Variants in COL13A1 observed in about 807,000 individuals in gnomAD.
The protein encoded by COL13A1 is collagen type XIII alpha 1 chain, also known as collagen alpha-1(XIII) chain.
In COL13A1, 89 loss-of-function variants were observed where a neutral mutation model predicts 130.9. That is an observed-to-expected ratio of 0.68 (90% CI 0.57 to 0.81). The LOEUF (loss-of-function observed/expected upper bound fraction) is 0.81, where lower values mean the gene tolerates loss of function less well. Among genes scored for constraint, COL13A1 ranks in the 30% least tolerant of loss-of-function variants. The pLI, the probability that COL13A1 is intolerant of heterozygous loss-of-function variation, is 0.00. For missense variants in COL13A1, 879 were observed against 934.6 expected (o/e 0.94, Z 0.78); for synonymous variants, 402 against 341.6 (o/e 1.18, Z -1.95).
intron 2 of COL13A1, chr10:69,829,195 G>A: frequency 1.0e-6 from 1 of 983,226 alleles, no homozygotes; most frequent in South Asian, 4.7e-5. Flanking sequence ...ATCCCACTCT[G>A]TCAATTTCCT....
At chr10:69,874,129 C>T (rs751106975) in intron 4 of COL13A1, among the ~76,000 whole-genome samples, 2 of 152,250 alleles carry the variant, frequency 1.3e-5, no homozygotes, top group Non-Finnish European at 2.9e-5. Flanking sequence ...TCAAAGCCAC[C>T]GTTGGTCTTG....
At chr10:69,868,402 C>T (rs570292395) in intron 3 of COL13A1, among the ~76,000 whole-genome samples, 2 of 152,266 alleles carry the variant, frequency 1.3e-5, no homozygotes, top group African/African-American at 4.8e-5. Flanking sequence ...CGCACTCCTT[C>T]CTGGCCTTGC....
intron 36 of COL13A1, among the ~76,000 whole-genome samples, chr10:69,944,734 A>AT (rs747825678): frequency 7.3e-5 from 11 of 151,504 alleles, no homozygotes; most frequent in Non-Finnish European, 8.9e-5. Flanking sequence ...AGAAAAAAAA[A>AT]GGAATTGGAG....
intron 2 of COL13A1, among the ~76,000 whole-genome samples, chr10:69,841,637 G>A (rs1453445094): frequency 6.6e-6 from 1 of 152,072 alleles, no homozygotes; most frequent in Non-Finnish European, 1.5e-5. Context: ...TCCACCAATT[G>A]CCCCAGCAAA....
intron 15 of COL13A1, among the ~76,000 whole-genome samples, chr10:69,904,667 A>G (rs1356383879): frequency 6.6e-6 from 1 of 152,150 alleles, no homozygotes; most frequent in East Asian, 1.9e-4. Flanking sequence ...CTGCTGACCT[A>G]CTTTCCATGG....
intron 10 of COL13A1, 128 bp downstream of exon 10, chr10:69,889,568 C>A: frequency 8.2e-7 from 1 of 1,224,612 alleles, no homozygotes; most frequent in Non-Finnish European, 1.2e-6. Context: ...GGTCACTCCC[C>A]AGCTGTGTAA....
intron 1 of COL13A1, among the ~76,000 whole-genome samples, chr10:69,821,913 C>A (rs1846170116): frequency 6.6e-6 from 1 of 152,234 alleles, no homozygotes; most frequent in Non-Finnish European, 1.5e-5. Context: ...CCTTGCCATC[C>A]CCCTACTGCT....
At chr10:69,869,155 T>C (rs1377589746) in intron 3 of COL13A1, among the ~76,000 whole-genome samples, 3 of 152,192 alleles carry the variant, frequency 2.0e-5, no homozygotes, top group Admixed American at 6.5e-5. Flanking sequence ...TTCTGAGAGC[T>C]TGTGCTGGCC....
At chr10:69,918,160 G>A (rs1589507347) in intron 18 of COL13A1, 125 bp from the exon 19 acceptor site, 1 of 755,942 alleles carries the variant, frequency 1.3e-6, no homozygotes, top group East Asian at 2.9e-5. Context: ...GGTGGTTGCG[G>A]GGTTGGGAGG....
In COL13A1 at chr10:69,908,488, C is replaced by T. The variant is rs575789684; in HGVS notation, c.921+2666C>T. ...AAGCTGTGAAGGAGTTGCAGGGCAG[C>T]AGAGGGTCTCCAGGCATCACGGCGA... On this transcript the variant is annotated intron_variant, in intron 17 of 40. Transcript: ENST00000645393. Among the ~76,000 whole-genome samples, 10 of 152,306 alleles carry T rather than the reference C, an allele frequency of 6.6e-5. No individual in the cohort carries two copies. The South Asian group carries it at 1.9e-3, about 28-fold the overall frequency.
At chr10:69,920,607 CCCTCTCTG>C (rs1428987196) in intron 21 of COL13A1, among the ~76,000 whole-genome samples, 2 of 152,206 alleles carry the variant, frequency 1.3e-5, no homozygotes, top group Non-Finnish European at 2.9e-5. Context: ...AGACCGTTCT[CCCTCTCTG>C]CCTTGTGAGA....
chr10:69,929,127 AG>A, intron 28 of COL13A1, 128 bp downstream of exon 28: 1 of 731,060 alleles, frequency 1.4e-6, no homozygotes, highest in Non-Finnish European at 2.2e-6. Flanking sequence ...CCAAGGCACC[AG>A]GGGACCCGCC....
chr10:69,875,767 A>G (rs753085221), intron 5 of COL13A1, among the ~76,000 whole-genome samples: 31 of 152,264 alleles, frequency 2.0e-4, no homozygotes, highest in Admixed American at 1.1e-3. Flanking sequence ...TGGGAAGGCC[A>G]GCCTCAGCCC....
chr10:69,849,391 T>C (rs1763516607), intron 2 of COL13A1, among the ~76,000 whole-genome samples: 1 of 152,224 alleles, frequency 6.6e-6, no homozygotes, highest in South Asian at 2.1e-4. Context: ...CACTTCCCAC[T>C]GCCCTATCAT....
intron 2 of COL13A1, among the ~76,000 whole-genome samples, chr10:69,835,177 G>T (rs922446708): frequency 3.3e-5 from 5 of 152,180 alleles, no homozygotes; most frequent in Non-Finnish European, 7.3e-5. Context: ...CCCTGCCCTA[G>T]ACCCAGTGGA....
chr10:69,898,211 A>G (rs529745726), intron 13 of COL13A1, among the ~76,000 whole-genome samples: 19 of 152,092 alleles, frequency 1.2e-4, no homozygotes, highest in Non-Finnish European at 2.1e-4. Flanking sequence ...TCAAGTACCA[A>G]TTTCACGGGC....
In COL13A1 at chr10:69,921,976, C is replaced by T. The variant is rs372046237; in HGVS notation, c.1143+41C>T. ...AATGGAGGGTTCAAGTCCTTCGTCA[C>T]CCACATCCCATACCTGGCCCTGCAC... is the stretch of plus-strand genomic sequence containing the variant. On this transcript the variant is annotated intron_variant, in intron 22 of 40. Transcript: ENST00000645393. The T allele has an allele frequency of 2.2e-5, 34 of 1,570,772 alleles. No homozygotes were observed. The African/African-American group carries it at 3.8e-4, about 17-fold the overall frequency.
intron 7 of COL13A1, among the ~76,000 whole-genome samples, chr10:69,884,317 G>C (rs1212847892): frequency 6.6e-6 from 1 of 152,192 alleles, no homozygotes; most frequent in Non-Finnish European, 1.5e-5. Flanking sequence ...GACATTGGCA[G>C]GTGCTCTATG....
At chr10:69,889,669 G>C (rs1469680252) in intron 10 of COL13A1, among the ~76,000 whole-genome samples, 1 of 152,234 alleles carries the variant, frequency 6.6e-6, no homozygotes, top group Non-Finnish European at 1.5e-5. Context: ...GAGATCCAGA[G>C]AGAGTGCACA....
Sources: allele counts gnomAD v4.1 joint callset (sites outside exome capture counted in the v4.1 genomes callset), GRCh38; gene constraint gnomAD v4.1.1; transcripts MANE v1.5; gene names NCBI Gene and HGNC (gene_info 2026-07-23, HGNC 2026-07-21).